The following S100Z variants were observed in gnomAD, a reference collection of about 807,000 sequenced individuals.
The protein encoded by S100Z is protein S100-Z.
In S100Z, 11 loss-of-function variants were observed where a neutral mutation model predicts 8.5. The observed-to-expected ratio is 1.30, with a 90% CI of 0.82 to 2.15. S100Z has a LOEUF of 2.15. Ranked by LOEUF, S100Z falls within the 30% of genes most tolerant of loss-of-function variation. The pLI is 0.00. For missense variants in S100Z, 126 were observed against 117.9 expected, an observed-to-expected ratio of 1.07 and a Z score of -0.32; for synonymous variants, 34 against 43.8, an observed-to-expected ratio of 0.78 and a Z score of 0.89.
the S100Z span, among the ~76,000 whole-genome samples, chr5:76,934,148 T>A: frequency 1.3e-5 from 2 of 152,146 alleles, no homozygotes; most frequent in Admixed American, 6.5e-5. Context: ...CACTCCAAGG[T>A]CCATGCTCTT....
rs190023644 is a variant in S100Z at position 76,916,559 on chromosome 5, A to G, written c.*3-4158A>G. ...AAAAAAAAAAAAAAAACCTTGAAAAATTAATACCCATTGAAATCCTAAGAG... is the reference window on the plus strand; with the variant it reads ...AAAAAAAAAAAAAAAACCTTGAAAAGTTAATACCCATTGAAATCCTAAGAG... On this transcript the variant is annotated intron_variant, in intron 4 of 4. Coordinates refer to ENST00000317593, the MANE Select transcript of S100Z (RefSeq NM_130772.4). Among the ~76,000 whole-genome samples, 6 of 152,188 alleles carry G rather than the reference A, an allele frequency of 3.9e-5. No homozygotes were observed. In the East Asian group the frequency reaches 1.2e-3, roughly 29 times the overall value.
At chr5:76,893,406 G>A (rs1330174693) in intron 4 of S100Z, among the ~76,000 whole-genome samples, 1 of 152,086 alleles carries the variant, frequency 6.6e-6, no homozygotes. Flanking sequence ...TAGCTGGTGT[G>A]GTGGCACATG....
chr5:76,909,822 G>C (rs1167756309), intron 4 of S100Z, among the ~76,000 whole-genome samples: 1 of 152,154 alleles, frequency 6.6e-6, no homozygotes, highest in East Asian at 1.9e-4. Flanking sequence ...TGTCCTACAG[G>C]GTCTAGAGCA....
At chr5:76,866,201 C>T (rs1195943544) in intron 1 of S100Z, among the ~76,000 whole-genome samples, 5 of 151,888 alleles carry the variant, frequency 3.3e-5, no homozygotes. Flanking sequence ...CCCCCCACCT[C>T]AGCCTCCCAA....
At chr5:76,932,826 T>C in the S100Z span, among the ~76,000 whole-genome samples, 29 of 152,330 alleles carry the variant, frequency 1.9e-4, no homozygotes, top group East Asian at 5.4e-3. Flanking sequence ...TTTTTTCTGA[T>C]GGGATTTGGG....
intron 4 of S100Z, among the ~76,000 whole-genome samples, chr5:76,908,727 G>C (rs990320861): frequency 1.3e-5 from 2 of 152,168 alleles, no homozygotes; most frequent in Non-Finnish European, 2.9e-5. Flanking sequence ...AGGACAAAAG[G>C]CATCACTCTT....
chr5:76,891,563 A>G (rs562503246), intron 4 of S100Z, among the ~76,000 whole-genome samples: 5 of 152,324 alleles, frequency 3.3e-5, no homozygotes, highest in Non-Finnish European at 7.3e-5. Context: ...GGAGCCTGAG[A>G]TTCTGCATTC....
chr5:76,879,243 C>T (rs1416769203), intron 4 of S100Z, among the ~76,000 whole-genome samples: 2 of 152,122 alleles, frequency 1.3e-5, no homozygotes, highest in African/African-American at 4.8e-5. Context: ...TATCTTGCAA[C>T]TATGAGGACC....
At chr5:76,941,023 C>G in the S100Z span, among the ~76,000 whole-genome samples, 11 of 152,136 alleles carry the variant, frequency 7.2e-5, no homozygotes, top group East Asian at 3.9e-4. Context: ...TCTGGAGAAC[C>G]CTGACTAATA....
chr5:76,854,019 C>T (rs1750806962), intron 1 of S100Z, among the ~76,000 whole-genome samples: 1 of 152,146 alleles, frequency 6.6e-6, no homozygotes, highest in Non-Finnish European at 1.5e-5. Flanking sequence ...TTCCCCTTTG[C>T]CTTCTGCCAT....
intron 1 of S100Z, among the ~76,000 whole-genome samples, chr5:76,861,356 T>C (rs935750079): frequency 6.8e-6 from 1 of 147,688 alleles, no homozygotes; most frequent in African/African-American, 2.6e-5. Flanking sequence ...TTTTTTTTTT[T>C]TGAGATGGAG....
At chr5:76,943,066 T>C in the S100Z span, among the ~76,000 whole-genome samples, 1 of 152,252 alleles carries the variant, frequency 6.6e-6, no homozygotes, top group Non-Finnish European at 1.5e-5. Flanking sequence ...ACGTGCAGGT[T>C]TGTTACATAT....
chr5:76,900,577 C>T (rs952482943), intron 4 of S100Z, among the ~76,000 whole-genome samples: 3 of 151,922 alleles, frequency 2.0e-5, no homozygotes, highest in Non-Finnish European at 4.4e-5. Flanking sequence ...CTGCTTGGTT[C>T]TTTTTATTTC....
intron 4 of S100Z, among the ~76,000 whole-genome samples, chr5:76,896,052 A>G (rs1241800275): frequency 2.0e-5 from 3 of 152,026 alleles, no homozygotes; most frequent in Non-Finnish European, 4.4e-5. Flanking sequence ...GCGAGCCACC[A>G]GACCCAACCA....
chr5:76,861,618 C>T (rs1048665318), intron 1 of S100Z, among the ~76,000 whole-genome samples: 9 of 152,112 alleles, frequency 5.9e-5, no homozygotes, highest in South Asian at 2.1e-4. Context: ...GGATTACAGG[C>T]GTGAGCCACT....
intron 1 of S100Z, among the ~76,000 whole-genome samples, chr5:76,852,567 A>G (rs1320105027): frequency 2.0e-5 from 3 of 152,132 alleles, no homozygotes; most frequent in Non-Finnish European, 4.4e-5. Flanking sequence ...AAAAATAGCC[A>G]GGAATGGTGG....
chr5:76,938,468 AGG>A, the S100Z span, among the ~76,000 whole-genome samples: 2 of 58,644 alleles, frequency 3.4e-5, no homozygotes, highest in Non-Finnish European at 1.2e-4. Context: ...GGTGAAAGAC[AGG>A]AAAGCAGGAG....
the S100Z span, among the ~76,000 whole-genome samples, chr5:76,939,157 T>C: frequency 1.3e-5 from 2 of 152,114 alleles, no homozygotes; most frequent in Admixed American, 6.6e-5. Flanking sequence ...CAAATTTTTT[T>C]TTTTTTTCTT....
rs1274773787 is a variant in S100Z at position 76,877,109 on chromosome 5, TTTG to T, written c.142-559_142-557del. Among the ~76,000 whole-genome samples the T allele has an allele frequency of 4.6e-5, 7 of 152,316 alleles. No individual in the cohort carries two copies. In the East Asian group the frequency reaches 9.6e-4, roughly 21 times the overall value. On this transcript the variant is annotated intron_variant, in intron 3 of 4. Transcript: ENST00000317593. Reference sequence around the variant, plus strand: ...TGAGACATACTAAAACTAAAAGTTATTTGTTGTTTATTTGAAATTCAAATTTAA... The same window carrying T: ...TGAGACATACTAAAACTAAAAGTTATTTGTTTATTTGAAATTCAAATTTAA...
Sources: gnomAD v4.1 joint callset for allele counts (sites outside exome capture counted in the v4.1 genomes callset) on GRCh38, gnomAD v4.1.1 for gene constraint, MANE v1.5 for transcripts, NCBI Gene and HGNC (gene_info 2026-07-23, HGNC 2026-07-21) for gene names.